ERAP1: variants seen among roughly 807,000 people sequenced by gnomAD.
ERAP1 encodes adipocyte-derived leucine aminopeptidase.
A neutral mutation model predicts 103.7 loss-of-function variants in ERAP1; 86 were observed. That is an observed-to-expected ratio of 0.83 (90% CI 0.70 to 0.99). The LOEUF (loss-of-function observed/expected upper bound fraction) is 0.99. Among genes scored for constraint, ERAP1 ranks in the 50% least tolerant of loss-of-function variants. The pLI is 0.00. For synonymous variants in ERAP1, 398 were observed against 402.4 expected, an observed-to-expected ratio of 0.99 and a Z score of 0.13; for missense variants, 1,009 against 1,128.4, an observed-to-expected ratio of 0.89 and a Z score of 1.52.
downstream of ERAP1, chr5:96,770,305 C>T (rs991759239): frequency 4.0e-6 from 2 of 501,414 alleles, no homozygotes; most frequent in Non-Finnish European, 7.3e-6. Flanking sequence ...ATTAGAGCAT[C>T]AATGTCACCC....
chr5:96,891,535 T>TATACAC, the ERAP1 span, among the ~76,000 whole-genome samples: 4 of 138,934 alleles, frequency 2.9e-5, no homozygotes, highest in South Asian at 6.9e-4. Context: ...ACGGTATATA[T>TATACAC]ACACACACAC....
At chr5:96,789,100 G>A (rs1203566161) in intron 10 of ERAP1, among the ~76,000 whole-genome samples, 1 of 152,210 alleles carries the variant, frequency 6.6e-6, no homozygotes, top group African/African-American at 2.4e-5. Flanking sequence ...TGTTTCTAAA[G>A]TGAGAACACA....
the ERAP1 span, chr5:96,915,559 C>A: frequency 2.3e-6 from 1 of 438,630 alleles, no homozygotes; most frequent in East Asian, 3.7e-5. Flanking sequence ...TATGGTAATT[C>A]ACCGTATCTA....
Position 96,765,392 on chromosome 5 carries a change from C to G in ERAP1, c.2819-2164G>C, listed in dbSNP as rs993506650. 4.4e-5 allele frequency: 33 copies of G among 754,102 alleles called. 1 individual carries two copies. Among genetic ancestry groups the G allele is most frequent in the African/African-American group, 4.0e-4 (22 of 54,470 alleles). The allele number at this position is 754,102 out of a possible 1,614,324, so 46.7% of individuals were successfully genotyped here. On this transcript the variant is annotated intron_variant, in intron 19 of 19. Coordinates refer to the ERAP1 transcript ENST00000296754. ...AAATTTTAATCCTTGGGTCTTGACTCTGTCATTGTCATAGGAATATTGATG... is the reference window on the plus strand; with the variant it reads ...AAATTTTAATCCTTGGGTCTTGACTGTGTCATTGTCATAGGAATATTGATG...
chr5:96,847,242 C>A, the ERAP1 span, among the ~76,000 whole-genome samples: 2 of 117,096 alleles, frequency 1.7e-5, no homozygotes, highest in South Asian at 3.2e-4. Context: ...AGCAAGACTC[C>A]ATCTCAAAAA....
the ERAP1 span, among the ~76,000 whole-genome samples, chr5:96,869,127 C>T: frequency 6.6e-6 from 1 of 151,148 alleles, no homozygotes; most frequent in Non-Finnish European, 1.5e-5. Context: ...TGGTTGGCTA[C>T]TAGATGACAC....
chr5:96,781,248 GT>G (rs1454444331), intron 16 of ERAP1, 50 bp from the exon 17 acceptor site: 11 of 1,561,276 alleles, frequency 7.0e-6, no homozygotes, highest in Non-Finnish European at 9.7e-6. Flanking sequence ...TGATGAAACA[GT>G]TATGAATCAC....
chr5:96,833,216 T>C, the ERAP1 span, among the ~76,000 whole-genome samples: 1 of 152,224 alleles, frequency 6.6e-6, no homozygotes, highest in Non-Finnish European at 1.5e-5. Context: ...ACTGAAATTA[T>C]TAATTACATT....
At chr5:96,860,067 A>C in the ERAP1 span, among the ~76,000 whole-genome samples, 1 of 152,010 alleles carries the variant, frequency 6.6e-6, no homozygotes, top group Admixed American at 6.6e-5. Context: ...TTATTTATTT[A>C]TTTATTTAAT....
At chr5:96,852,591 C>T in the ERAP1 span, among the ~76,000 whole-genome samples, 4 of 152,102 alleles carry the variant, frequency 2.6e-5, no homozygotes, top group Non-Finnish European at 2.9e-5. Flanking sequence ...TTAACAATAA[C>T]AAAAATGGTA....
At chr5:96,881,587 C>T in the ERAP1 span, 1 of 433,028 alleles carries the variant, frequency 2.3e-6, no homozygotes, top group South Asian at 1.6e-5. Flanking sequence ...GCATATTTTT[C>T]TCATGCAACA....
In ERAP1 at chr5:96,775,123, C is replaced by CTAAT. The variant is rs1434162159; in HGVS notation, c.*1269_*1272dup. On this transcript the variant is annotated 3_prime_UTR_variant, in exon 19 of 19. Coordinates refer to ENST00000443439, the MANE Select transcript of ERAP1 (RefSeq NM_001040458.3). ...AAGTTTTCAGAATAAGAAATAAAATCTAATTCTTAGGGTATTAACTGACTT... is the reference window on the plus strand; with the variant it reads ...AAGTTTTCAGAATAAGAAATAAAATCTAATTAATTCTTAGGGTATTAACTGACTT... 8.1e-6 allele frequency: 8 copies of CTAAT among 985,480 alleles called. No homozygotes were observed. The highest frequency in any genetic ancestry group is 1.1e-4 in the East Asian group (1 of 8,948). The allele number at this position is 985,480 out of a possible 1,614,324, so 61.0% of individuals were successfully genotyped here.
the ERAP1 span, among the ~76,000 whole-genome samples, chr5:96,844,144 G>A: frequency 2.0e-5 from 3 of 152,110 alleles, no homozygotes; most frequent in African/African-American, 7.2e-5. Flanking sequence ...GTCTCACTGT[G>A]CTAGGTGAGG....
chr5:96,800,930 A>T lies in ERAP1; in HGVS notation c.595T>A (p.Phe199Ile), dbSNP rs1386392457. The stretch of plus-strand genomic sequence containing the variant: ...ATTTTGATTGAGAAACTTGCTTTGA[A>T]GGCAGGTTCATCAAAGCAGGGAAAG... ...MAFPCFDEPAFKASFSIKIRR... is the reference protein window; with the variant it reads ...MAFPCFDEPAIKASFSIKIRR... The change falls in exon 3 of 19, where the codon TTC becomes ATC. Residue 199 changes from phenylalanine (F) to isoleucine (I), a missense_variant. Phe to Ile is a conservative substitution (Grantham distance 21). Transcript: ENST00000443439. The T allele has an allele frequency of 1.2e-6, 2 of 1,614,142 alleles. No homozygotes were observed. Among genetic ancestry groups the T allele is most frequent in the Admixed American group, 3.3e-5 (2 of 60,018 alleles).
At chr5:96,933,394 G>A in the ERAP1 span, among the ~76,000 whole-genome samples, 1,403 of 151,542 alleles carry the variant, frequency 9.3e-3, 24 homozygotes, top group African/African-American at 0.032. Context: ...CACCACTCCC[G>A]GCTAATTTTA....
At chr5:96,838,012 C>G in the ERAP1 span, among the ~76,000 whole-genome samples, 6 of 151,862 alleles carry the variant, frequency 4.0e-5, no homozygotes, top group East Asian at 1.2e-3. Context: ...CTCTTCTTCT[C>G]TCTCTGCTGG....
At chr5:96,870,650 G>C in the ERAP1 span, among the ~76,000 whole-genome samples, 8 of 152,122 alleles carry the variant, frequency 5.3e-5, no homozygotes, top group Non-Finnish European at 8.8e-5. Flanking sequence ...AAACCCAGTT[G>C]GTTCAAAAAT....
intron 8 of ERAP1, 55 bp downstream of exon 8, chr5:96,792,006 C>T (rs1359217643): frequency 2.5e-6 from 4 of 1,597,258 alleles, no homozygotes; most frequent in African/African-American, 1.3e-5. Context: ...TTCTCCACCC[C>T]AGTATGTATA....
At position 96,775,046 on chromosome 5, in the gene ERAP1, G is replaced by GAATCATC. The variant is rs1554107046; in HGVS notation, c.*1349_*1350insGATGATT. The GAATCATC allele has an allele frequency of 9.1e-6, 9 of 985,466 alleles. No individual in the cohort carries two copies. The highest frequency in any genetic ancestry group is 1.1e-5 in the Non-Finnish European group (9 of 829,912). 61.0% of individuals were successfully genotyped at this position (985,466 alleles called of 1,614,324 possible). On this transcript the variant is annotated 3_prime_UTR_variant, in exon 19 of 19. Coordinates refer to ENST00000443439, the MANE Select transcript of ERAP1 (RefSeq NM_001040458.3). ...GTCAGCGCAAAACACGCTGCAACTTGAATCAAGTCAGCAACAGAGCACACT... is the reference window on the plus strand; with the variant it reads ...GTCAGCGCAAAACACGCTGCAACTTGAATCATCAATCAAGTCAGCAACAGAGCACACT...
Sources: allele counts gnomAD v4.1 joint callset (sites outside exome capture counted in the v4.1 genomes callset), GRCh38; gene constraint gnomAD v4.1.1; transcripts MANE v1.5; gene names NCBI Gene and HGNC (gene_info 2026-07-23, HGNC 2026-07-21).